ULK4: variants seen among roughly 807,000 people sequenced by gnomAD.
ULK4 encodes the protein inactive serine/threonine-protein kinase ULK4.
Under a neutral mutation model 160.6 loss-of-function variants are expected in ULK4, and 133 were observed. That is an observed-to-expected ratio of 0.83 (90% CI 0.72 to 0.96). ULK4 has a LOEUF of 0.96. Among genes scored for constraint, ULK4 ranks in the 40% least tolerant of loss-of-function variants. ULK4 has a pLI of 0.00. For synonymous variants in ULK4, 534 were observed against 539.8 expected (o/e 0.99, Z 0.15); for missense variants, 1,580 against 1,499.5 (o/e 1.05, Z -0.89).
At chr3:41,414,116 G>A (rs1213332218) in intron 34 of ULK4, among the ~76,000 whole-genome samples, 5 of 152,198 alleles carry the variant, frequency 3.3e-5, no homozygotes, top group African/African-American at 9.7e-5. Flanking sequence ...CAGGAGAATC[G>A]CTTGAACCTG....
chr3:41,692,104 A>C (rs1364324365), intron 27 of ULK4, among the ~76,000 whole-genome samples: 1 of 150,248 alleles, frequency 6.7e-6, no homozygotes, highest in Non-Finnish European at 1.5e-5. Context: ...GGCGCCCACC[A>C]CCGCCCCCGG....
At chr3:41,357,995 C>T (rs2081060442) in intron 35 of ULK4, among the ~76,000 whole-genome samples, 1 of 152,170 alleles carries the variant, frequency 6.6e-6, no homozygotes, top group Non-Finnish European at 1.5e-5. Flanking sequence ...AAATTGGAGG[C>T]ACAGACAGGT....
At chr3:41,300,885 ATT>A (rs2079782239) in intron 35 of ULK4, among the ~76,000 whole-genome samples, 1 of 110,254 alleles carries the variant, frequency 9.1e-6, no homozygotes, top group South Asian at 3.0e-4. Context: ...ATATATATAT[ATT>A]TGGTATCTTG....
chr3:41,322,875 G>A (rs552806682), intron 35 of ULK4, among the ~76,000 whole-genome samples: 1 of 152,090 alleles, frequency 6.6e-6, no homozygotes, highest in African/African-American at 2.4e-5. Flanking sequence ...TTTATGACTA[G>A]GGATTAGGGA....
At position 41,911,554 on chromosome 3, in the gene ULK4, G is replaced by A. The variant is rs1393233515; in HGVS notation, c.1002C>T (p.His334=). The change falls in exon 10 of 37, where the codon CAC becomes CAT. Residue 334 remains histidine (H), a synonymous_variant. Coordinates refer to ENST00000301831, the MANE Select transcript of ULK4 (RefSeq NM_017886.4). ...AATAAAACTTACCTAGTCTGAAAGAGTGACCTAGTGGTTGACCACTCTTGT... is the reference window on the plus strand; with the variant it reads ...AATAAAACTTACCTAGTCTGAAAGAATGACCTAGTGGTTGACCACTCTTGT... ...KGHKSGQPLG[H]SFRLENPTEF... is the part of the protein sequence containing the mutation. 1 of 1,613,728 alleles carries A rather than the reference G, an allele frequency of 6.2e-7. No individual in the cohort carries two copies. Among genetic ancestry groups the A allele is most frequent in the Admixed American group, 1.7e-5 (1 of 60,006 alleles).
Position 41,636,901 on chromosome 3 carries a change from T to C in ULK4, c.3072-21184A>G, listed in dbSNP as rs2033976403. Reference sequence around the variant, plus strand: ...AGTGGAATTAAAGATGTTTAATATATACCGACAGTGTGCTCATCACAAAGG... The same window carrying C: ...AGTGGAATTAAAGATGTTTAATATACACCGACAGTGTGCTCATCACAAAGG... On this transcript the variant is annotated intron_variant, in intron 30 of 36. Coordinates refer to ENST00000301831, the MANE Select transcript of ULK4 (RefSeq NM_017886.4). Among the ~76,000 whole-genome samples the C allele has an allele frequency of 2.6e-5, 4 of 152,288 alleles. No homozygotes were observed. The South Asian group carries it at 8.3e-4, about 32-fold the overall frequency.
chr3:41,916,081 AT>A, intron 7 of ULK4, 29 bp from the exon 8 acceptor site: 1 of 1,443,066 alleles, frequency 6.9e-7, no homozygotes, highest in Non-Finnish European at 9.5e-7. Context: ...CCAAGAAAAA[AT>A]GATAAGTAGT....
chr3:41,708,979 C>T (rs2036997689), intron 25 of ULK4, among the ~76,000 whole-genome samples: 1 of 152,056 alleles, frequency 6.6e-6, no homozygotes, highest in African/African-American at 2.4e-5. Flanking sequence ...TCTATGGATA[C>T]AGAAGGTCTC....
intron 17 of ULK4, among the ~76,000 whole-genome samples, chr3:41,836,594 C>CA (rs2041764464): frequency 6.6e-6 from 1 of 152,172 alleles, no homozygotes; most frequent in South Asian, 2.1e-4. Flanking sequence ...CCAAGCCATC[C>CA]AGTTCACTTG....
At chr3:41,308,609 G>A (rs972512841) in intron 35 of ULK4, among the ~76,000 whole-genome samples, 1 of 152,158 alleles carries the variant, frequency 6.6e-6, no homozygotes, top group Non-Finnish European at 1.5e-5. Context: ...GGGTTAAGCA[G>A]TAGATAAGCA....
At chr3:41,645,647 G>A (rs868181963) in intron 30 of ULK4, among the ~76,000 whole-genome samples, 44 of 152,144 alleles carry the variant, frequency 2.9e-4, no homozygotes, top group Middle Eastern at 3.4e-3. Context: ...GTGGTGTGGT[G>A]CTGAAAAAAA....
chr3:41,918,643 C>T (rs1699059381), intron 6 of ULK4, 103 bp from the exon 7 acceptor site: 1 of 612,548 alleles, frequency 1.6e-6, no homozygotes, highest in Non-Finnish European at 2.5e-6. Context: ...GCTCTGTCAC[C>T]CAGGCTGGAG....
At chr3:41,421,751 T>C (rs2082669247) in intron 34 of ULK4, among the ~76,000 whole-genome samples, 1 of 152,192 alleles carries the variant, frequency 6.6e-6, no homozygotes. Flanking sequence ...GGTTATGGTA[T>C]GAGACTTATT....
chr3:41,813,792 C>T (rs6599179), intron 19 of ULK4, among the ~76,000 whole-genome samples: 48,027 of 152,114 alleles, frequency 0.32, 11,172 homozygotes, highest in African/African-American at 0.66. Flanking sequence ...CCTTGCCTTT[C>T]ATGCAGTGAA....
chr3:41,460,225 A>C (rs1322009977), intron 33 of ULK4, among the ~76,000 whole-genome samples: 1 of 152,216 alleles, frequency 6.6e-6, no homozygotes, highest in South Asian at 2.1e-4. Context: ...TGGTCCTACT[A>C]TCAGGAGGAT....
At chr3:41,792,243 T>C (rs554400295) in intron 20 of ULK4, among the ~76,000 whole-genome samples, 7 of 152,292 alleles carry the variant, frequency 4.6e-5, no homozygotes, top group African/African-American at 1.7e-4. Context: ...TGAATTCACT[T>C]CTAAAAATCT....
At chr3:41,262,491 C>A (rs2078963877) in intron 35 of ULK4, among the ~76,000 whole-genome samples, 1 of 152,136 alleles carries the variant, frequency 6.6e-6, no homozygotes, top group Non-Finnish European at 1.5e-5. Flanking sequence ...TTTCTTCTTT[C>A]TCTTGACCTT....
At chr3:41,432,784 A>G (rs1482941646) in intron 34 of ULK4, among the ~76,000 whole-genome samples, 2 of 152,222 alleles carry the variant, frequency 1.3e-5, no homozygotes, top group African/African-American at 2.4e-5. Flanking sequence ...AAGGATAACT[A>G]GAACCAATGG....
chr3:41,609,507 C>T (rs1445910042), intron 31 of ULK4, among the ~76,000 whole-genome samples: 2 of 152,234 alleles, frequency 1.3e-5, no homozygotes, highest in Non-Finnish European at 2.9e-5. Context: ...ATGTTAGCAG[C>T]GTATAAAGTC....
Sources: gnomAD v4.1 joint callset for allele counts (sites outside exome capture counted in the v4.1 genomes callset) on GRCh38, gnomAD v4.1.1 for gene constraint, MANE v1.5 for transcripts, NCBI Gene and HGNC (gene_info 2026-07-23, HGNC 2026-07-21) for gene names.